FAAH2: variants seen among roughly 807,000 people sequenced by gnomAD.
FAAH2 encodes the protein fatty acid amide hydrolase 2, also known as fatty-acid amide hydrolase 2.
FAAH2 carries 60 observed loss-of-function variants against 36.9 expected under a neutral mutation model. That is an observed-to-expected ratio of 1.63 (90% CI 1.32 to 2.02). The LOEUF is 2.02. Ranked by LOEUF, FAAH2 falls within the 30% of genes most tolerant of loss-of-function variation. The probability of loss-of-function intolerance (pLI) is 0.00; values close to 1 mark genes in which losing one functional copy is unlikely to be tolerated. For synonymous variants in FAAH2, 214 were observed against 143.8 expected (o/e 1.49, Z -3.49); for missense variants, 689 against 397.5 (o/e 1.73, Z -6.23).
chrX:57,417,753 G>A (rs1212341560), intron 7 of FAAH2, among the ~76,000 whole-genome samples: 1 of 112,027 alleles, frequency 8.9e-6, no homozygotes, highest in Non-Finnish European at 1.9e-5. Context: ...CAGAGCTCTA[G>A]TGCTGTTCTG....
chrX:57,311,177 A>G (rs2052682390), intron 3 of FAAH2, among the ~76,000 whole-genome samples: 2 of 112,375 alleles, frequency 1.8e-5, no homozygotes, highest in Non-Finnish European at 3.8e-5. Flanking sequence ...GTATTTTTAA[A>G]TAACCCATAA....
chrX:57,214,503 T>C, the FAAH2 span, among the ~76,000 whole-genome samples: 1 of 111,460 alleles, frequency 9.0e-6, no homozygotes, highest in Admixed American at 9.6e-5. Context: ...CTCAGCTCAC[T>C]GCAACCTCCA....
At chrX:57,418,147 G>C (rs886244689) in intron 7 of FAAH2, among the ~76,000 whole-genome samples, 1 of 111,976 alleles carries the variant, frequency 8.9e-6, no homozygotes, top group Admixed American at 9.5e-5. Flanking sequence ...CAAGCCAGTG[G>C]GTCTTCACTT....
the FAAH2 span, among the ~76,000 whole-genome samples, chrX:57,257,715 C>T: frequency 9.0e-6 from 1 of 110,528 alleles, no homozygotes; most frequent in African/African-American, 3.3e-5. Flanking sequence ...TAAAATCATA[C>T]CATTTGTAAT....
chrX:57,187,072 T>C, the FAAH2 span, among the ~76,000 whole-genome samples: 5 of 111,852 alleles, frequency 4.5e-5, no homozygotes, highest in African/African-American at 1.6e-4. Flanking sequence ...CCGTGTGAAA[T>C]GTAAAGTAGT....
chrX:57,125,525 G>T, the FAAH2 span, among the ~76,000 whole-genome samples: 1 of 111,673 alleles, frequency 9.0e-6, no homozygotes, highest in African/African-American at 3.3e-5. Flanking sequence ...AAGTCTTTCA[G>T]TGGTTCCCTC....
chrX:57,172,972 G>A, the FAAH2 span, among the ~76,000 whole-genome samples: 2 of 111,876 alleles, frequency 1.8e-5, no homozygotes, highest in South Asian at 7.5e-4. Flanking sequence ...CTTGGGAAAT[G>A]CTACATTTGA....
the FAAH2 span, among the ~76,000 whole-genome samples, chrX:57,158,713 T>G: frequency 8.9e-6 from 1 of 112,283 alleles, no homozygotes; most frequent in Non-Finnish European, 1.9e-5. Context: ...CTTGTAAATT[T>G]GTTTGAGTTC....
At chrX:57,152,051 T>A in the FAAH2 span, among the ~76,000 whole-genome samples, 1 of 111,920 alleles carries the variant, frequency 8.9e-6, no homozygotes. Context: ...TCAGCAGCAG[T>A]GGCTGCAGAA....
chrX:57,141,419 T>C, the FAAH2 span, among the ~76,000 whole-genome samples: 1 of 112,016 alleles, frequency 8.9e-6, no homozygotes, highest in African/African-American at 3.2e-5. Context: ...TCTTTGGTTA[T>C]GACATCTGAA....
chrX:57,385,477 G>T (rs1030811062), intron 7 of FAAH2, among the ~76,000 whole-genome samples: 2 of 111,246 alleles, frequency 1.8e-5, no homozygotes, highest in African/African-American at 3.3e-5. Context: ...TCAGTGTCTG[G>T]TGAGGGCCAT....
chrX:57,425,536 A>C (rs2056140397), intron 7 of FAAH2, among the ~76,000 whole-genome samples: 1 of 111,945 alleles, frequency 8.9e-6, no homozygotes, highest in Admixed American at 9.5e-5. Flanking sequence ...AAACTTTATA[A>C]GCCTGAAGAA....
chrX:57,284,317 T>C (rs1311191932), upstream of FAAH2, among the ~76,000 whole-genome samples: 2 of 111,440 alleles, frequency 1.8e-5, no homozygotes, highest in Non-Finnish European at 3.8e-5. Context: ...AAGGTTGCAA[T>C]GAGCCAAGAT....
intron 7 of FAAH2, among the ~76,000 whole-genome samples, chrX:57,418,292 C>T (rs962227744): frequency 1.8e-5 from 2 of 111,839 alleles, no homozygotes; most frequent in African/African-American, 6.5e-5. Context: ...AAAACTCCTG[C>T]AGCTAGCTCA....
chrX:57,235,892 A>G, the FAAH2 span, among the ~76,000 whole-genome samples: 2 of 109,858 alleles, frequency 1.8e-5, no homozygotes, highest in Non-Finnish European at 3.8e-5. Context: ...ATATACAAAC[A>G]TATTTATTAG....
intron 7 of FAAH2, among the ~76,000 whole-genome samples, chrX:57,427,665 T>A (rs904959629): frequency 4.5e-5 from 5 of 111,570 alleles, no homozygotes; most frequent in Non-Finnish European, 9.4e-5. Flanking sequence ...CATATGATCA[T>A]CTCCATAGAT....
the FAAH2 span, among the ~76,000 whole-genome samples, chrX:57,204,951 G>A: frequency 8.9e-6 from 1 of 112,183 alleles, no homozygotes; most frequent in East Asian, 2.8e-4. Context: ...TATAGCCTGA[G>A]GCATTATCTG....
intron 5 of FAAH2, among the ~76,000 whole-genome samples, chrX:57,373,917 A>T (rs2054609519): frequency 9.0e-6 from 1 of 111,553 alleles, no homozygotes; most frequent in East Asian, 2.8e-4. Context: ...ATGAGGATCC[A>T]GTTTCATTAT....
At chrX:57,426,943 G>A (rs1460593316) in intron 7 of FAAH2, among the ~76,000 whole-genome samples, 2 of 110,407 alleles carry the variant, frequency 1.8e-5, no homozygotes, top group African/African-American at 3.3e-5. Flanking sequence ...ATATTAAAAA[G>A]CAATGAAATG....
Sources: gnomAD v4.1 joint callset for allele counts (sites outside exome capture counted in the v4.1 genomes callset) on GRCh38, gnomAD v4.1.1 for gene constraint, MANE v1.5 for transcripts, NCBI Gene and HGNC (gene_info 2026-07-23, HGNC 2026-07-21) for gene names.